The following SPON1 variants were observed in gnomAD, a reference collection of about 807,000 sequenced individuals.
SPON1 encodes the protein spondin 1, also known as spondin-1.
In SPON1, 52 loss-of-function variants were observed where a neutral mutation model predicts 111.7. The ratio of observed to expected loss-of-function variants is 0.47; its 90% CI spans 0.37 to 0.59. SPON1 has a LOEUF of 0.59. Ranked by LOEUF, SPON1 falls within the 20% of genes least tolerant of loss-of-function variation. The pLI is 0.00. For synonymous variants in SPON1, 410 were observed against 395.8 expected (o/e 1.04, Z -0.43); for missense variants, 957 against 1,068.5 (o/e 0.90, Z 1.46).
intron 6 of SPON1, among the ~76,000 whole-genome samples, chr11:14,166,664 C>A (rs549710536): frequency 6.6e-6 from 1 of 152,152 alleles, no homozygotes; most frequent in African/African-American, 2.4e-5. Flanking sequence ...ATTTGGGTTA[C>A]TTCTGTGGCA....
intron 2 of SPON1, among the ~76,000 whole-genome samples, chr11:13,986,888 T>A (rs1047123232): frequency 6.6e-6 from 1 of 152,214 alleles, no homozygotes; most frequent in African/African-American, 2.4e-5. Flanking sequence ...GCAAAGGACA[T>A]GAACTCATCC....
At chr11:14,090,537 T>A (rs1034775468) in intron 5 of SPON1, among the ~76,000 whole-genome samples, 1 of 152,092 alleles carries the variant, frequency 6.6e-6, no homozygotes, top group Non-Finnish European at 1.5e-5. Context: ...CGTGGTCTCA[T>A]TGGCTCAGGA....
chr11:14,202,269 G>C (rs1395688362), intron 6 of SPON1, among the ~76,000 whole-genome samples: 1 of 152,168 alleles, frequency 6.6e-6, no homozygotes, highest in Admixed American at 6.5e-5. Context: ...TTGCTGTGTT[G>C]GGTACGCATG....
chr11:14,111,930 A>G (rs1849229621), intron 5 of SPON1, among the ~76,000 whole-genome samples: 1 of 152,180 alleles, frequency 6.6e-6, no homozygotes, highest in Admixed American at 6.5e-5. Flanking sequence ...GCACAGAAAC[A>G]AGTCAATAGA....
chr11:14,201,598 A>C (rs1305912679), intron 6 of SPON1, among the ~76,000 whole-genome samples: 1 of 151,718 alleles, frequency 6.6e-6, no homozygotes, highest in Non-Finnish European at 1.5e-5. Context: ...AGGTCTCACT[A>C]TGTTGCCTGG....
chr11:14,041,671 T>A lies in SPON1; in HGVS notation c.479+17T>A, dbSNP rs1220307657. 3 of 1,612,804 alleles carry A rather than the reference T, an allele frequency of 1.9e-6. No individual in the cohort carries two copies. The highest frequency in any genetic ancestry group is 2.2e-5 in the East Asian group (1 of 44,840). Reference sequence around the variant, plus strand: ...GATTCTGAAGTAAGTAAACATGGAATCCTTCCCTGCAGTTTATCAAAGACT... The same window carrying A: ...GATTCTGAAGTAAGTAAACATGGAAACCTTCCCTGCAGTTTATCAAAGACT... On this transcript the variant is annotated intron_variant, in intron 3 of 15. Transcript: ENST00000576479.
At chr11:14,002,889 T>G (rs984895107) in intron 2 of SPON1, among the ~76,000 whole-genome samples, 17 of 151,970 alleles carry the variant, frequency 1.1e-4, no homozygotes, top group African/African-American at 3.6e-4. Flanking sequence ...AACCCCAAAG[T>G]CCTAGGACCC....
intron 5 of SPON1, among the ~76,000 whole-genome samples, chr11:14,115,193 C>T (rs1274526781): frequency 6.6e-5 from 10 of 152,138 alleles, no homozygotes; most frequent in Admixed American, 5.9e-4. Context: ...TAGGGTAGGC[C>T]AGAGTGAGCC....
intron 3 of SPON1, among the ~76,000 whole-genome samples, chr11:14,071,021 G>A (rs1848871611): frequency 6.6e-6 from 1 of 152,070 alleles, no homozygotes; most frequent in Non-Finnish European, 1.5e-5. Flanking sequence ...AGAGCATTCA[G>A]TATATAAATG....
At chr11:14,201,027 G>A (rs1815826095) in intron 6 of SPON1, among the ~76,000 whole-genome samples, 1 of 151,798 alleles carries the variant, frequency 6.6e-6, no homozygotes, top group African/African-American at 2.4e-5. Flanking sequence ...TTCCATATCT[G>A]TAAAATAGGG....
At chr11:14,000,336 A>G (rs1260738068) in intron 2 of SPON1, among the ~76,000 whole-genome samples, 9 of 152,010 alleles carry the variant, frequency 5.9e-5, no homozygotes, top group African/African-American at 2.2e-4. Context: ...ATAAAGCAAT[A>G]CCCTCATCAT....
At chr11:14,249,830 A>T (rs1554940534) in intron 7 of SPON1, among the ~76,000 whole-genome samples, 1 of 152,144 alleles carries the variant, frequency 6.6e-6, no homozygotes, top group Non-Finnish European at 1.5e-5. Flanking sequence ...TCACAATAAA[A>T]CCTTGGGGTA....
rs561719383 is a variant in SPON1 at position 14,242,910 on chromosome 11, G to T, written c.826-422G>T. On this transcript the variant is annotated intron_variant, in intron 6 of 15. Transcript: ENST00000576479. ...GTTGAGGGGACAGTCCTCAGGGCCAGGTGTTAGCCACATTGCAACTCCTGC... is the reference window on the plus strand; with the variant it reads ...GTTGAGGGGACAGTCCTCAGGGCCATGTGTTAGCCACATTGCAACTCCTGC... Among the ~76,000 whole-genome samples the T allele has an allele frequency of 4.1e-4, 63 of 152,358 alleles. 1 individual carries two copies. Among genetic ancestry groups the T allele is most frequent in the African/African-American group, 1.4e-3 (58 of 41,580 alleles).
At chr11:14,036,565 C>A (rs1199566910) in intron 2 of SPON1, among the ~76,000 whole-genome samples, 36 of 151,976 alleles carry the variant, frequency 2.4e-4, no homozygotes, top group Admixed American at 2.2e-3. Context: ...AAGGTAAATG[C>A]AAGTAAAAGA....
intron 7 of SPON1, among the ~76,000 whole-genome samples, chr11:14,246,850 G>A (rs972198032): frequency 6.6e-6 from 1 of 152,178 alleles, no homozygotes; most frequent in Non-Finnish European, 1.5e-5. Flanking sequence ...GTTAGAGATA[G>A]CTTCCCCCTA....
chr11:14,248,298 C>T (rs1374274873), intron 7 of SPON1, among the ~76,000 whole-genome samples: 2 of 152,164 alleles, frequency 1.3e-5, no homozygotes, highest in African/African-American at 4.8e-5. Context: ...GTACAGACCA[C>T]TCTTCTGTGA....
intron 3 of SPON1, among the ~76,000 whole-genome samples, chr11:14,055,798 T>C (rs1848740865): frequency 6.6e-6 from 1 of 152,194 alleles, no homozygotes; most frequent in Admixed American, 6.5e-5. Flanking sequence ...CCCAAAGTCC[T>C]CACAGAGATC....
At chr11:14,188,535 A>G (rs1848311057) in intron 6 of SPON1, among the ~76,000 whole-genome samples, 1 of 152,244 alleles carries the variant, frequency 6.6e-6, no homozygotes, top group African/African-American at 2.4e-5. Context: ...TTCTGAAAAT[A>G]AACTTTCTCA....
chr11:14,195,363 A>G lies in SPON1; in HGVS notation c.826-47969A>G, dbSNP rs536512621. ...CTGGCAAAGTAGAAGTTATTTATAC[A>G]TTGAAAGGGTGTGGGATATTAATGG... On this transcript the variant is annotated intron_variant, in intron 6 of 15. Transcript: ENST00000576479. Among the ~76,000 whole-genome samples the G allele has an allele frequency of 6.6e-5, 10 of 152,334 alleles. No individual in the cohort carries two copies. The East Asian group carries it at 1.9e-3, about 29-fold the overall frequency.
Sources: gnomAD v4.1 joint callset for allele counts (sites outside exome capture counted in the v4.1 genomes callset) on GRCh38, gnomAD v4.1.1 for gene constraint, MANE v1.5 for transcripts, NCBI Gene and HGNC (gene_info 2026-07-23, HGNC 2026-07-21) for gene names.